Variants in OR2K2 observed in about 807,000 individuals in gnomAD.
The protein encoded by OR2K2 is olfactory receptor 2K2.
Under a neutral mutation model 11.1 loss-of-function variants are expected in OR2K2, and 7 were observed. The observed-to-expected ratio is 0.63, with a 90% CI of 0.36 to 1.19. The LOEUF is 1.19. Among genes scored for constraint, OR2K2 ranks in the 50% most tolerant of loss-of-function variants. The pLI is 0.02. For synonymous variants in OR2K2, 152 were observed against 150.8 expected, an observed-to-expected ratio of 1.01 and a Z score of -0.06; for missense variants, 391 against 383.4, an observed-to-expected ratio of 1.02 and a Z score of -0.17.
intron 1 of OR2K2, 89 bp downstream of exon 1, chr9:111,330,017 T>G (rs1467893848): frequency 1.3e-5 from 2 of 152,086 alleles, no homozygotes. Context: ...TAGATTATTA[T>G]AAAACATTAC....
rs770277181 is a variant in OR2K2, at chr9:111,328,202, C to G, written c.232G>C (p.Val78Leu). 1.2e-6 allele frequency: 2 copies of G among 1,614,156 alleles called. No individual in the cohort carries two copies. Among genetic ancestry groups the G allele is most frequent in the East Asian group, 2.2e-5 (1 of 44,884 alleles). Residue 78 changes from valine to leucine, a missense_variant, in exon 2 of 2, where the codon GTT (valine) becomes CTT (leucine). Val to Leu is a conservative substitution (Grantham distance 32, BLOSUM62 1). Transcript: ENST00000302681. ...FMDICYTSAS[V>L]PTLLVNLLSS... Reference sequence around the variant, plus strand: ...AGCAAGTTCACCAGCAAAGTAGGAACAGAGGCAGATGTGTAACAAATATCC... The same window carrying G: ...AGCAAGTTCACCAGCAAAGTAGGAAGAGAGGCAGATGTGTAACAAATATCC...
Position 111,330,215 on chromosome 9 carries a change from A to C in OR2K2, c.-159T>G, listed in dbSNP as rs575002964. On this transcript the variant is annotated 5_prime_UTR_variant, in exon 1 of 2. The change abolishes an upstream ATG in the 5' untranslated region. Coordinates refer to ENST00000302681, the MANE Select transcript of OR2K2 (RefSeq NM_205859.2). ...AAAACGTTGTTTTATGATGCACTTC[A>C]TAAAGTTAACTACGTCCAAGAAATA... is the stretch of plus-strand genomic sequence containing the variant. 3.5e-4 allele frequency: 54 copies of C among 152,328 alleles called. No homozygotes were observed. Among genetic ancestry groups the C allele is most frequent in the African/African-American group, 1.1e-3 (47 of 41,586 alleles). 9.4% of individuals were successfully genotyped at this position (152,328 alleles called of 1,614,324 possible). A position where few individuals can be genotyped will look rare whatever the true frequency, so the allele number is the denominator to read the frequency against.
In OR2K2 at chr9:111,328,424, C is replaced by T; in HGVS notation, c.10G>A (p.Glu4Lys). MQGENFTIWSIFFL... is the reference protein window; with the variant it reads MQGKNFTIWSIFFL... ...AAAATGCTCCAAATGGTGAAGTTTT[C>T]TCCTTGCATTTTCTTTCTTTCATCT... is the stretch of plus-strand genomic sequence containing the variant. The change falls in exon 2 of 2, where the codon GAA becomes AAA. Residue 4 changes from glutamate to lysine, a missense_variant. Transcript: ENST00000302681. 6.2e-7 allele frequency: 1 copy of T among 1,603,788 alleles called. No homozygotes were observed. Among genetic ancestry groups the T allele is most frequent in the Non-Finnish European group, 8.5e-7 (1 of 1,176,442 alleles).
chr9:111,327,683 A>G lies in OR2K2; in HGVS notation c.751T>C (p.Tyr251His). 1 of 1,614,142 alleles carries G rather than the reference A, an allele frequency of 6.2e-7. No homozygotes were observed. Among genetic ancestry groups the G allele is most frequent in the East Asian group, 2.2e-5 (1 of 44,880 alleles). Residue 251 changes from tyrosine (Y) to histidine (H), a missense_variant, in exon 2 of 2, where the codon TAT (tyrosine) becomes CAT (histidine). Transcript: ENST00000302681. ...GAHLTVVILYYGAALSMYLKP... is the reference protein window; with the variant it reads ...GAHLTVVILYHGAALSMYLKP... Reference sequence around the variant, plus strand: ...AGGTACATAGAGAGGGCAGCCCCATAATACAAAATCACCACAGTCAAATGG... The same window carrying G: ...AGGTACATAGAGAGGGCAGCCCCATGATACAAAATCACCACAGTCAAATGG...
chr9:111,328,283 GGATAGT>G lies in OR2K2; in HGVS notation c.145_150del (p.Thr49_Ile50del). 2 of 1,614,184 alleles carry G rather than the reference GGATAGT, an allele frequency of 1.2e-6. No homozygotes were observed. The highest frequency in any genetic ancestry group is 1.7e-6 in the Non-Finnish European group (2 of 1,180,014). The stretch of plus-strand genomic sequence containing the variant: ...ATGGGGGTTTTAAGGCGTGAATCTA[GGATAGT>G]GATCAAAATAAGAGTGCTGTTGCCC... On this transcript the variant is annotated inframe_deletion, in exon 2 of 2. Transcript: ENST00000302681.
chr9:111,328,742 A>G (rs2098102023), intron 1 of OR2K2, among the ~76,000 whole-genome samples: 1 of 152,218 alleles, frequency 6.6e-6, no homozygotes, highest in African/African-American at 2.4e-5. Context: ...GGCACACAGT[A>G]GGTCTTTAAT....
chr9:111,327,817 A>T lies in OR2K2; in HGVS notation c.617T>A (p.Leu206Ter). The part of the protein sequence containing the change: ...TIMLVVSILL[L>*]PIPMLLVCIS... ...GCAAACTAAGAGCATTGGAATTGGC[A>T]AGAGGAGAATGCTGACCACCAGCAT... The change falls in exon 2 of 2, where the codon TTG (leucine) becomes TAG (stop). Residue 206 changes from leucine to a stop codon, truncating the protein, a stop_gained. Coordinates refer to ENST00000302681, the MANE Select transcript of OR2K2 (RefSeq NM_205859.2). LOFTEE classifies it high-confidence loss of function. 1 of 1,614,198 alleles carries T rather than the reference A, an allele frequency of 6.2e-7. No individual in the cohort carries two copies. Among genetic ancestry groups the T allele is most frequent in the East Asian group, 2.2e-5 (1 of 44,882 alleles).
chr9:111,327,729 C>T lies in OR2K2; in HGVS notation c.705G>A (p.Lys235=), dbSNP rs113799875. The T allele has an allele frequency of 9.0e-5, 145 of 1,614,020 alleles. No homozygotes were observed. The highest frequency in any genetic ancestry group is 1.1e-4 in the Non-Finnish European group (135 of 1,180,022). The change falls in exon 2 of 2, where the codon AAG becomes AAA. Residue 235 remains lysine, a synonymous_variant. Coordinates refer to ENST00000302681, the MANE Select transcript of OR2K2 (RefSeq NM_205859.2). ...AATGGGCACCACAGGTAGAAAAAGC[C>T]TTGTTTCTTCCCTCTGCTGAGGTGA... The part of the protein sequence containing the change: ...LRITSAEGRN[K]AFSTCGAHLT...
At chr9:111,329,897 T>G (rs567506226) in intron 1 of OR2K2, among the ~76,000 whole-genome samples, 1 of 152,342 alleles carries the variant, frequency 6.6e-6, no homozygotes, top group Admixed American at 6.5e-5. Flanking sequence ...CTTTCTCCAC[T>G]GAGTCTTTCC....
rs777446444 is a variant in OR2K2 at position 111,327,888 on chromosome 9, C to G, written c.546G>C (p.Ala182=). Residue 182 remains alanine (A), a synonymous_variant, in exon 2 of 2, where the codon GCG becomes GCC. Coordinates refer to ENST00000302681, the MANE Select transcript of OR2K2 (RefSeq NM_205859.2). ...LIDHFTCEIL[A]VLKLACTSSL... Reference sequence around the variant, plus strand: ...AACTTGTGCAAGCTAACTTTAGCACCGCCAGAATTTCACACGTGAAGTGAT... The same window carrying G: ...AACTTGTGCAAGCTAACTTTAGCACGGCCAGAATTTCACACGTGAAGTGAT... 1.2e-6 allele frequency: 2 copies of G among 1,614,092 alleles called. No homozygotes were observed. The highest frequency in any genetic ancestry group is 8.5e-7 in the Non-Finnish European group (1 of 1,180,022).
Position 111,327,749 on chromosome 9 carries a change from AG to A in OR2K2, c.684del (p.Ser229GlnfsTer16). On this transcript the variant is annotated frameshift_variant, in exon 2 of 2. Transcript: ENST00000302681. LOFTEE classifies it high-confidence loss of function. ...AAAGCCTTGTTTCTTCCCTCTGCTG[AG>A]GTGATTCTCAGAATAGTGGAAAGGA... ...IFILSTILRI[T>X]SAEGRNKAFS... is the part of the protein sequence containing the mutation. The A allele has an allele frequency of 6.2e-7, 1 of 1,614,170 alleles. No homozygotes were observed. The highest frequency in any genetic ancestry group is 8.5e-7 in the Non-Finnish European group (1 of 1,180,022).
rs576742224 is a variant in OR2K2, at chr9:111,327,393, G to A, written c.*90C>T. On this transcript the variant is annotated 3_prime_UTR_variant, in exon 2 of 2. Coordinates refer to ENST00000302681, the MANE Select transcript of OR2K2 (RefSeq NM_205859.2). ...GTGAAATTATATAGAGATAAGATCC[G>A]ATCAGAGTTCTAAGAGGTTGTATGT... The A allele has an allele frequency of 8.0e-5, 64 of 804,754 alleles. No homozygotes were observed. Among genetic ancestry groups the A allele is most frequent in the East Asian group, 4.0e-4 (16 of 40,380 alleles). 49.9% of individuals were successfully genotyped at this position (804,754 alleles called of 1,614,324 possible). A position where few individuals can be genotyped will look rare whatever the true frequency, so the allele number is the denominator to read the frequency against.
intron 1 of OR2K2, 30 bp from the exon 2 acceptor site, chr9:111,328,512 G>T: frequency 2.1e-6 from 2 of 941,072 alleles, no homozygotes; most frequent in Non-Finnish European, 3.2e-6. Flanking sequence ...AATAAAGTGT[G>T]ATATTCATTT....
Position 111,327,645 on chromosome 9 carries a change from TGAA to T in OR2K2, c.786_788del (p.Ser264del). The T allele has an allele frequency of 1.2e-6, 2 of 1,614,178 alleles. No homozygotes were observed. The highest frequency in any genetic ancestry group is 1.1e-5 in the South Asian group (1 of 91,084). ...TTTTGTCTATTTTTTGTGCATTTGATGAAGAAGGCTTTAGGTACATAGAGAGGG... is the reference window on the plus strand; with the variant it reads ...TTTTGTCTATTTTTTGTGCATTTGATGAAGGCTTTAGGTACATAGAGAGGG... On this transcript the variant is annotated inframe_deletion, in exon 2 of 2. Transcript: ENST00000302681.
chr9:111,329,414 A>C (rs1316715153), intron 1 of OR2K2, among the ~76,000 whole-genome samples: 1 of 152,150 alleles, frequency 6.6e-6, no homozygotes, highest in Admixed American at 6.5e-5. Context: ...ATACTAATAC[A>C]TCCACCGTAC....
In OR2K2 at chr9:111,330,194, C is replaced by T. The variant is rs1371708109; in HGVS notation, c.-138G>A. 1.3e-5 allele frequency: 2 copies of T among 152,078 alleles called. No individual in the cohort carries two copies. The highest frequency in any genetic ancestry group is 4.8e-5 in the African/African-American group (2 of 41,424). 9.4% of individuals were successfully genotyped at this position (152,078 alleles called of 1,614,324 possible). A position where few individuals can be genotyped will look rare whatever the true frequency, so the allele number is the denominator to read the frequency against. ...TCCGTATCAGCAACTTCAAATAAAA[C>T]GTTGTTTTATGATGCACTTCATAAA... On this transcript the variant is annotated 5_prime_UTR_variant, in exon 1 of 2. Coordinates refer to ENST00000302681, the MANE Select transcript of OR2K2 (RefSeq NM_205859.2).
rs950291015 is a variant in OR2K2 at position 111,329,795 on chromosome 9, C to T, written c.-50+311G>A. On this transcript the variant is annotated intron_variant, in intron 1 of 1. Transcript: ENST00000302681. ...GAAACTTAAAGTTGTATATTTTTTC[C>T]TTACATTTCACATTATTAACAAAAA... 2.6e-5 allele frequency among the ~76,000 whole-genome samples: 4 copies of T among 152,180 alleles called. No individual in the cohort carries two copies. In the South Asian group the frequency reaches 8.3e-4, roughly 32 times the overall value.
At position 111,327,472 on chromosome 9, in the gene OR2K2, T is replaced by C. The variant is rs60806559; in HGVS notation, c.*11A>G. ...CAGGGGCACATCTCTGGTAAAACCA[T>C]AGGGACCCAATCAGAGATGTTCGTG... On this transcript the variant is annotated 3_prime_UTR_variant, in exon 2 of 2. Transcript: ENST00000302681. 2.8e-3 allele frequency: 4,316 copies of C among 1,558,306 alleles called. 127 individuals are homozygous for C. The African/African-American group carries it at 0.052, about 19-fold the overall frequency.
At position 111,327,505 on chromosome 9, in the gene OR2K2, T is replaced by C. The variant is rs1304281117; in HGVS notation, c.929A>G (p.His310Arg). ...CAATCAGAGATGTTCGTGTGTTTGATGCAATGTTATTTTGCCCAGCAATTT... is the reference window on the plus strand; with the variant it reads ...CAATCAGAGATGTTCGTGTGTTTGACGCAATGTTATTTTGCCCAGCAATTT... ...MKKLLGKITLHQTHEHL is the reference protein window; with the variant it reads ...MKKLLGKITLRQTHEHL The change falls in exon 2 of 2, where the codon CAT becomes CGT. Residue 310 changes from histidine to arginine, a missense_variant. Coordinates refer to ENST00000302681, the MANE Select transcript of OR2K2 (RefSeq NM_205859.2). 1.2e-6 allele frequency: 2 copies of C among 1,607,872 alleles called. No homozygotes were observed. The highest frequency in any genetic ancestry group is 3.4e-5 in the Admixed American group (2 of 59,140).
Sources: allele counts gnomAD v4.1 joint callset (sites outside exome capture counted in the v4.1 genomes callset), GRCh38; gene constraint gnomAD v4.1.1; transcripts MANE v1.5; gene names NCBI Gene and HGNC (gene_info 2026-07-23, HGNC 2026-07-21).